CCDC171: variants seen among roughly 807,000 people sequenced by gnomAD.
The protein encoded by CCDC171 is coiled-coil domain containing 171.
CCDC171 carries 177 observed loss-of-function variants against 168.2 expected under a neutral mutation model. That is an observed-to-expected ratio of 1.05 (90% CI 0.93 to 1.19). The LOEUF is 1.19. Ranked by LOEUF, CCDC171 falls within the 50% of genes most tolerant of loss-of-function variation. The probability of loss-of-function intolerance (pLI) is 0.00; values close to 1 mark genes in which losing one functional copy is unlikely to be tolerated. For synonymous variants in CCDC171, 687 were observed against 540.8 expected (o/e 1.27, Z -3.75); for missense variants, 1,991 against 1,539.0 (o/e 1.29, Z -4.91).
intron 16 of CCDC171, 55 bp from the exon 17 acceptor site, chr9:15,744,218 T>C (rs2055093542): frequency 1.4e-6 from 2 of 1,398,772 alleles, no homozygotes; most frequent in African/African-American, 2.9e-5. Flanking sequence ...AAAGGGAAAT[T>C]AATATAATGC....
intron 18 of CCDC171, among the ~76,000 whole-genome samples, chr9:15,771,668 G>A (rs2057020179): frequency 6.6e-6 from 1 of 152,080 alleles, no homozygotes; most frequent in African/African-American, 2.4e-5. Context: ...TCTGTTTTTT[G>A]TTATGGTAAG....
intron 24 of CCDC171, among the ~76,000 whole-genome samples, chr9:15,894,274 TG>T (rs1462918343): frequency 6.6e-6 from 1 of 151,778 alleles, no homozygotes; most frequent in African/African-American, 2.4e-5. Context: ...TGGGGCTTGT[TG>T]GGGGCGAGTT....
intron 9 of CCDC171, among the ~76,000 whole-genome samples, chr9:15,677,652 C>A (rs1458234291): frequency 6.6e-6 from 1 of 150,930 alleles, no homozygotes; most frequent in Non-Finnish European, 1.5e-5. Context: ...TACTTCGAAG[C>A]TACCTTTCAT....
the CCDC171 span, among the ~76,000 whole-genome samples, chr9:16,100,334 A>G: frequency 1.3e-5 from 2 of 152,194 alleles, no homozygotes; most frequent in Non-Finnish European, 2.9e-5. Flanking sequence ...TAAAAACGCC[A>G]TGCATAAGCC....
chr9:15,652,073 T>C (rs1469850484), intron 7 of CCDC171, among the ~76,000 whole-genome samples: 2 of 152,128 alleles, frequency 1.3e-5, no homozygotes, highest in Non-Finnish European at 2.9e-5. Flanking sequence ...CACACCCGGC[T>C]AATTTAATTT....
intron 25 of CCDC171, among the ~76,000 whole-genome samples, chr9:15,936,321 T>A (rs999969636): frequency 6.6e-6 from 1 of 151,958 alleles, no homozygotes; most frequent in Non-Finnish European, 1.5e-5. Flanking sequence ...AAGTCAAAAA[T>A]TTTTTCCTGA....
rs1391911082 is a variant in CCDC171, at chr9:15,587,713, A to C, written c.353-3653A>C. On this transcript the variant is annotated intron_variant, in intron 4 of 25. Coordinates refer to ENST00000380701, the MANE Select transcript of CCDC171 (RefSeq NM_173550.4). Reference sequence around the variant, plus strand: ...TAGGTGGTGGGTATATTAGTGTATAAACTGTATTACATTTATAGTTTCTAA... The same window carrying C: ...TAGGTGGTGGGTATATTAGTGTATACACTGTATTACATTTATAGTTTCTAA... 6 of 455,232 alleles carry C rather than the reference A, an allele frequency of 1.3e-5. No homozygotes were observed. In the Admixed American group the frequency reaches 1.4e-4, roughly 11 times the overall value. 28.2% of individuals were successfully genotyped at this position (455,232 alleles called of 1,614,324 possible).
chr9:15,997,294 T>C (rs558531485), intron 3 of CCDC171, among the ~76,000 whole-genome samples: 1 of 152,230 alleles, frequency 6.6e-6, no homozygotes, highest in South Asian at 2.1e-4. Context: ...GGGGCAGAAA[T>C]GGCCAGACTC....
At chr9:16,014,407 A>T (rs1315479332) in intron 3 of CCDC171, among the ~76,000 whole-genome samples, 1 of 152,212 alleles carries the variant, frequency 6.6e-6, no homozygotes, top group Non-Finnish European at 1.5e-5. Flanking sequence ...AAAGTCATGC[A>T]TGAATATTGG....
chr9:16,071,468 G>C, the CCDC171 span, among the ~76,000 whole-genome samples: 1 of 152,104 alleles, frequency 6.6e-6, no homozygotes, highest in Non-Finnish European at 1.5e-5. Flanking sequence ...TACTCTTGTG[G>C]TGTCAGCTGT....
At chr9:15,794,852 T>A (rs370690899) in intron 21 of CCDC171, among the ~76,000 whole-genome samples, 3 of 152,246 alleles carry the variant, frequency 2.0e-5, no homozygotes, top group African/African-American at 7.2e-5. Flanking sequence ...AATATATTGC[T>A]GCACCCAGTT....
intron 21 of CCDC171, among the ~76,000 whole-genome samples, chr9:15,792,028 C>T (rs189501818): frequency 6.6e-5 from 10 of 152,206 alleles, no homozygotes; most frequent in Admixed American, 2.0e-4. Flanking sequence ...CTTCTCCGAG[C>T]TAAAGGAGGA....
intron 25 of CCDC171, among the ~76,000 whole-genome samples, chr9:15,931,998 C>T (rs1191177511): frequency 6.6e-6 from 1 of 151,932 alleles, no homozygotes; most frequent in Non-Finnish European, 1.5e-5. Context: ...GTTTTGCTTA[C>T]TATAGCTTTG....
chr9:16,045,295 G>A (rs1219818965), intron 1 of CCDC171, among the ~76,000 whole-genome samples: 3 of 152,168 alleles, frequency 2.0e-5, no homozygotes, highest in East Asian at 1.9e-4. Context: ...AGGGAACCTC[G>A]TCAAGGTGGT....
At chr9:16,107,916 T>C in the CCDC171 span, among the ~76,000 whole-genome samples, 1 of 152,188 alleles carries the variant, frequency 6.6e-6, no homozygotes, top group Non-Finnish European at 1.5e-5. Context: ...GCCATGCATT[T>C]ATACATAATT....
rs2055065046 is a variant in CCDC171, at chr9:15,743,799, T to TTTG, written c.2050-471_2050-469dup. ...ATGCAGTAAATGGTAGACCATGCTATTTGTTATATCATTGATTGAACCGGT... is the reference window on the plus strand; with the variant it reads ...ATGCAGTAAATGGTAGACCATGCTATTTGTTGTTATATCATTGATTGAACCGGT... On this transcript the variant is annotated intron_variant, in intron 16 of 25. Transcript: ENST00000380701. Among the ~76,000 whole-genome samples the TTTG allele has an allele frequency of 4.6e-5, 7 of 152,308 alleles. No individual in the cohort carries two copies. In the South Asian group the frequency reaches 1.4e-3, roughly 32 times the overall value.
the CCDC171 span, among the ~76,000 whole-genome samples, chr9:16,097,133 C>T: frequency 6.6e-6 from 1 of 152,196 alleles, no homozygotes; most frequent in African/African-American, 2.4e-5. Flanking sequence ...TGAAACCCAA[C>T]CCATGAGGCT....
intron 23 of CCDC171, among the ~76,000 whole-genome samples, chr9:15,857,598 T>G (rs1211142686): frequency 6.6e-6 from 1 of 151,962 alleles, no homozygotes; most frequent in African/African-American, 2.4e-5. Context: ...AATTTTTATA[T>G]TTTTAATAGA....
rs1817961762 is a variant in CCDC171 at position 15,877,199 on chromosome 9, C to CAAAT, written c.3600+2539_3600+2540insTAAA. Among the ~76,000 whole-genome samples the CAAAT allele has an allele frequency of 2.0e-5, 3 of 151,722 alleles. No individual in the cohort carries two copies. The South Asian group carries it at 6.3e-4, about 32-fold the overall frequency. ...TAGCTGAAACAAACAAACAAACAAACAAACAAAAAGTAATGCTACTGATCC... is the reference window on the plus strand; with the variant it reads ...TAGCTGAAACAAACAAACAAACAAACAAATAAACAAAAAGTAATGCTACTGATCC... On this transcript the variant is annotated intron_variant, in intron 24 of 25. Coordinates refer to ENST00000380701, the MANE Select transcript of CCDC171 (RefSeq NM_173550.4).
Sources: gnomAD v4.1 joint callset for allele counts (sites outside exome capture counted in the v4.1 genomes callset) on GRCh38, gnomAD v4.1.1 for gene constraint, MANE v1.5 for transcripts, NCBI Gene and HGNC (gene_info 2026-07-23, HGNC 2026-07-21) for gene names.